The following HMCN2 variants were observed in gnomAD, a reference collection of about 807,000 sequenced individuals.
HMCN2 encodes the protein hemicentin 2, also known as hemicentin-2.
HMCN2 carries 325 observed loss-of-function variants against 377.5 expected under a neutral mutation model. That is an observed-to-expected ratio of 0.86 (90% confidence interval 0.79 to 0.94). HMCN2 has a LOEUF of 0.94. Ranked by LOEUF, HMCN2 falls within the 40% of genes least tolerant of loss-of-function variation. The pLI, the probability that HMCN2 is intolerant of heterozygous loss-of-function variation, is 0.00. For synonymous variants in HMCN2, 2,007 were observed against 2,046.8 expected, an observed-to-expected ratio of 0.98 and a Z score of 0.53; for missense variants, 4,543 against 4,725.3, an observed-to-expected ratio of 0.96 and a Z score of 1.13.
At position 130,423,906 on chromosome 9, in the gene HMCN2, G is replaced by A. The variant is rs997574756; in HGVS notation, c.13382-870G>A. Among the ~76,000 whole-genome samples, 6 of 152,176 alleles carry A rather than the reference G, an allele frequency of 3.9e-5. No individual in the cohort carries two copies. Among genetic ancestry groups the A allele is most frequent in the Non-Finnish European group, 5.9e-5 (4 of 68,038 alleles). On this transcript the variant is annotated intron_variant, in intron 87 of 97. Coordinates refer to ENST00000683500, the MANE Select transcript of HMCN2 (RefSeq NM_001291815.2). The surrounding 1 kb of genome is among the most constrained non-coding windows in gnomAD (Gnocchi z 5.5). Reference sequence around the variant, plus strand: ...GACAGTCTGTGGAGTCCCTGGCTCCGTGGTGACCCGGGGCCCTCAATCGGT... The same window carrying A: ...GACAGTCTGTGGAGTCCCTGGCTCCATGGTGACCCGGGGCCCTCAATCGGT...
Position 130,361,411 on chromosome 9 carries a change from C to T in HMCN2, c.5951-597C>T, listed in dbSNP as rs549735240. Among the ~76,000 whole-genome samples the T allele has an allele frequency of 3.9e-5, 6 of 152,168 alleles. No homozygotes were observed. Among genetic ancestry groups the T allele is most frequent in the African/African-American group, 9.7e-5 (4 of 41,438 alleles). On this transcript the variant is annotated intron_variant, in intron 38 of 97. Transcript: ENST00000683500. This position sits in a 1 kb window ranked among gnomAD's most constrained non-coding sequence, Gnocchi z 4.8. ...AATTTGAGAAACTGAAAGGAGGCCA[C>T]GGGGCCTGGGATTTACAACACTGAG...
At chr9:130,362,570 TG>T (rs763689503) in intron 39 of HMCN2, among the ~76,000 whole-genome samples, 59 of 152,282 alleles carry the variant, frequency 3.9e-4, no homozygotes, top group Non-Finnish European at 1.5e-4. Context: ...ATTTTGTACC[TG>T]GGGCCTCTCT....
intron 6 of HMCN2, among the ~76,000 whole-genome samples, chr9:130,296,447 G>T (rs1028492513): frequency 6.6e-6 from 1 of 152,230 alleles, no homozygotes; most frequent in African/African-American, 2.4e-5. Flanking sequence ...GGGCAACACA[G>T]CCTCAAGAGG....
chr9:130,298,101 C>T lies in HMCN2; in HGVS notation c.1013-924C>T, dbSNP rs111235170. ...TCCCGAGCAGCTGGGATTATAGGTG[C>T]GCGCTACACACCTGGCTAATTTTTG... On this transcript the variant is annotated intron_variant, in intron 7 of 97. Transcript: ENST00000683500. 3.9e-5 allele frequency among the ~76,000 whole-genome samples: 6 copies of T among 152,220 alleles called. 1 individual carries two copies. Among genetic ancestry groups the T allele is most frequent in the South Asian group, 2.1e-4 (1 of 4,806 alleles).
chr9:130,402,183 G>A (rs570443040), intron 77 of HMCN2, among the ~76,000 whole-genome samples: 1 of 152,352 alleles, frequency 6.6e-6, no homozygotes, highest in South Asian at 2.1e-4. Flanking sequence ...CTGGGGCTGG[G>A]ACAGGGGCTG....
intron 1 of HMCN2, among the ~76,000 whole-genome samples, chr9:130,280,126 G>A (rs1323735019): frequency 1.3e-5 from 2 of 151,554 alleles, no homozygotes; most frequent in Non-Finnish European, 2.9e-5. Context: ...AGGACTGCTG[G>A]CTTCCATAGC....
At chr9:130,383,913 C>T (rs1564839139) in intron 57 of HMCN2, among the ~76,000 whole-genome samples, 3 of 152,242 alleles carry the variant, frequency 2.0e-5, no homozygotes, top group Admixed American at 2.0e-4. Flanking sequence ...TAGGTTAGCC[C>T]ACCCAGCTTT....
chr9:130,269,792 GTT>G lies in HMCN2; in HGVS notation c.259+3665_259+3666del, dbSNP rs11288770. 3.5e-3 allele frequency among the ~76,000 whole-genome samples: 498 copies of G among 141,134 alleles called. 11 individuals are homozygous for G. The highest frequency in any genetic ancestry group is 0.011 in the African/African-American group (461 of 40,146). 92.6% of individuals were successfully genotyped at this position (141,134 alleles called of 152,430 possible). A position where few individuals can be genotyped will look rare whatever the true frequency, so the allele number is the denominator to read the frequency against. On this transcript the variant is annotated intron_variant, in intron 1 of 97. Coordinates refer to ENST00000683500, the MANE Select transcript of HMCN2 (RefSeq NM_001291815.2). ...GGACCTTATGTTGATGATGTTATCT[GTT>G]TTTTTTTTTGTTGTTGTTTGTTTGT...
rs1843582805 is a variant in HMCN2, at chr9:130,414,430, T to C, written c.12961+3778T>C. Among the ~76,000 whole-genome samples the C allele has an allele frequency of 6.6e-6, 1 of 152,092 alleles. No individual in the cohort carries two copies. The highest frequency in any genetic ancestry group is 2.4e-5 in the African/African-American group (1 of 41,392). On this transcript the variant is annotated intron_variant, in intron 85 of 97. Coordinates refer to ENST00000683500, the MANE Select transcript of HMCN2 (RefSeq NM_001291815.2). The surrounding 1 kb of genome is among the most constrained non-coding windows in gnomAD (Gnocchi z 4.4). The stretch of plus-strand genomic sequence containing the variant: ...AGTGGCACCACTTTTTCTTGGCAGT[T>C]TTATAGCTCTGCCAAAAACGGAAGA...
At chr9:130,274,140 C>A (rs763938249) in intron 1 of HMCN2, among the ~76,000 whole-genome samples, 13 of 151,862 alleles carry the variant, frequency 8.6e-5, no homozygotes, top group Non-Finnish European at 1.8e-4. Context: ...GCAGCTTCCA[C>A]CTCCCTGGTT....
At position 130,368,257 on chromosome 9, in the gene HMCN2, T is replaced by C; in HGVS notation, c.6626-19T>C. 1.0e-6 allele frequency: 1 copy of C among 985,624 alleles called. No homozygotes were observed. The highest frequency in any genetic ancestry group is 1.2e-6 in the Non-Finnish European group (1 of 829,836). 61.1% of individuals were successfully genotyped at this position (985,624 alleles called of 1,614,324 possible). A position where few individuals can be genotyped will look rare whatever the true frequency, so the allele number is the denominator to read the frequency against. ...TTGCAAATGCCCTGGACCAGGAGTT[T>C]CTTTTTTCCTGCACCCAGGTCAACC... On this transcript the variant is annotated intron_variant, in intron 43 of 97. Coordinates refer to ENST00000683500, the MANE Select transcript of HMCN2 (RefSeq NM_001291815.2).
Position 130,266,129 on chromosome 9 carries a change from AC to A in HMCN2, c.252del (p.His84GlnfsTer8), listed in dbSNP as rs1367564545. The stretch of plus-strand genomic sequence containing the variant: ...GCCAACTACGCGCTGGTGCCCTTCC[AC>A]GACCCAGGTAGCGCCCCCGCACCCC... ...AIANYALVPF[H>X]DPDIGPVTLT... On this transcript the variant is annotated frameshift_variant, in exon 1 of 98. Transcript: ENST00000683500. LOFTEE classifies it high-confidence loss of function. 6.4e-6 allele frequency: 3 copies of A among 466,384 alleles called. No individual in the cohort carries two copies. Among genetic ancestry groups the A allele is most frequent in the African/African-American group, 6.0e-5 (3 of 49,964 alleles). 28.9% of individuals were successfully genotyped at this position (466,384 alleles called of 1,614,324 possible). A position where few individuals can be genotyped will look rare whatever the true frequency, so the allele number is the denominator to read the frequency against.
At position 130,266,873 on chromosome 9, in the gene HMCN2, G is replaced by A. The variant is rs375021012; in HGVS notation, c.259+736G>A. Among the ~76,000 whole-genome samples the A allele has an allele frequency of 1.1e-3, 175 of 152,302 alleles. 3 individuals are homozygous for A. In the Middle Eastern group the frequency reaches 0.024, roughly 21 times the overall value. ...TGAAAGGGTCCCTGGGCGCTCCACT[G>A]TAGAGAGTCCCAGGGACAGCGGTTG... On this transcript the variant is annotated intron_variant, in intron 1 of 97. Transcript: ENST00000683500.
At chr9:130,410,770 T>TA (rs1843366901) in intron 85 of HMCN2, 118 bp downstream of exon 85, 1 of 809,962 alleles carries the variant, frequency 1.2e-6, no homozygotes, top group African/African-American at 1.7e-5. Context: ...CATTAATACT[T>TA]ACTTGGAACA....
At chr9:130,316,038 C>A (rs1837544570) in intron 15 of HMCN2, among the ~76,000 whole-genome samples, 1 of 152,192 alleles carries the variant, frequency 6.6e-6, no homozygotes, top group South Asian at 2.1e-4. Flanking sequence ...GGCAAAGCCA[C>A]GGTCCAGCCT....
chr9:130,411,025 G>A (rs926319968), intron 85 of HMCN2, among the ~76,000 whole-genome samples: 2 of 152,102 alleles, frequency 1.3e-5, no homozygotes, highest in Non-Finnish European at 2.9e-5. Context: ...TTTTATTGAA[G>A]ATGAACACCT....
intron 81 of HMCN2, among the ~76,000 whole-genome samples, chr9:130,405,269 C>T (rs1256264221): frequency 6.6e-6 from 1 of 152,228 alleles, no homozygotes; most frequent in Admixed American, 6.5e-5. Context: ...GAACCTGGAC[C>T]TCGGTAGCCA....
rs1048038784 is a variant in HMCN2 at position 130,327,439 on chromosome 9, C to T, written c.3323C>T (p.Thr1108Met). 9.2e-5 allele frequency: 14 copies of T among 152,320 alleles called. No individual in the cohort carries two copies. The highest frequency in any genetic ancestry group is 1.3e-4 in the Admixed American group (2 of 15,286). The allele number at this position is 152,320 out of a possible 1,614,324, so 9.4% of individuals were successfully genotyped here. ...KGSPPPLVTW[T>M]KDSRPVPPIT... ...TCCCCACCCCCACTGGTCACCTGGA[C>T]GAAGGACTCCCGCCCTGTACCGCCC... Residue 1108 changes from threonine (T) to methionine (M), a missense_variant, in exon 22 of 98, where the codon ACG (threonine) becomes ATG (methionine). Coordinates refer to ENST00000683500, the MANE Select transcript of HMCN2 (RefSeq NM_001291815.2).
chr9:130,337,809 A>G (rs1410593083), intron 22 of HMCN2, 85 bp from the exon 23 acceptor site: 2 of 83,666 alleles, frequency 2.4e-5, no homozygotes, highest in Admixed American at 1.8e-4. Flanking sequence ...TTCCTGGGGG[A>G]GGTGGCTGGT....
Sources: allele counts gnomAD v4.1 joint callset (sites outside exome capture counted in the v4.1 genomes callset), GRCh38; gene constraint gnomAD v4.1.1; non-coding constraint Gnocchi (gnomAD v3.1); transcripts MANE v1.5; gene names NCBI Gene and HGNC (gene_info 2026-07-23, HGNC 2026-07-21).